Variants in ZNF217 observed in about 807,000 individuals in gnomAD.
The protein encoded by ZNF217 is zinc finger protein 217.
ZNF217 carries 12 observed loss-of-function variants against 73.3 expected under a neutral mutation model. The ratio of observed to expected loss-of-function variants is 0.16; its 90% CI spans 0.10 to 0.27. ZNF217 has a LOEUF of 0.27. Among genes scored for constraint, ZNF217 ranks in the 10% least tolerant of loss-of-function variants. ZNF217 has a pLI of 1.00. For synonymous variants in ZNF217, 588 were observed against 516.4 expected (o/e 1.14, Z -1.88); for missense variants, 1,195 against 1,327.8 (o/e 0.90, Z 1.55).
chr20:53,571,075 T>A (rs1327472240), intron 5 of ZNF217, among the ~76,000 whole-genome samples: 1 of 152,168 alleles, frequency 6.6e-6, no homozygotes, highest in Non-Finnish European at 1.5e-5. Flanking sequence ...ATGTAACAGA[T>A]GGGCATGATC....
Position 53,578,385 on chromosome 20 carries a change from T to C in ZNF217, c.1432A>G (p.Lys478Glu). 6.3e-7 allele frequency: 1 copy of C among 1,599,440 alleles called. No individual in the cohort carries two copies. The highest frequency in any genetic ancestry group is 8.5e-7 in the Non-Finnish European group (1 of 1,175,792). ...AGGTAATAATTTGAACGGAAAAACT[T>C]TCCACAATAACTACACTCTCTTGAA... ...TSSRECSYCG[K>E]FFRSNYYLNI... The change falls in exon 3 of 6, where the codon AAG (lysine) becomes GAG (glutamate). Residue 478 changes from lysine to glutamate, a missense_variant. Transcript: ENST00000371471.
At chr20:53,594,043 C>A (rs879257696), upstream of ZNF217, among the ~76,000 whole-genome samples, 13 of 151,120 alleles carry the variant, frequency 8.6e-5, no homozygotes, top group African/African-American at 2.7e-4. Context: ...AAGACCCCCC[C>A]CCAACAAAAA....
chr20:53,567,602 C>T lies in ZNF217; in HGVS notation c.*1686G>A, dbSNP rs1007155016. ...GGCAAAGATTGAGTCAATCATCTTG[C>T]AAATGTGTTAATCTTCAAAAATAGG... On this transcript the variant is annotated 3_prime_UTR_variant, in exon 6 of 6. Transcript: ENST00000371471. The T allele has an allele frequency of 1.3e-5, 2 of 152,560 alleles. No individual in the cohort carries two copies. The highest frequency in any genetic ancestry group is 3.9e-4 in the East Asian group (2 of 5,190). 9.5% of individuals were successfully genotyped at this position (152,560 alleles called of 1,614,324 possible).
intron 1 of ZNF217, among the ~76,000 whole-genome samples, chr20:53,587,372 C>G (rs1469957178): frequency 1.3e-5 from 2 of 152,192 alleles, no homozygotes; most frequent in East Asian, 1.9e-4. Context: ...GTAATCTGTG[C>G]TTAAGTACAA....
At position 53,578,259 on chromosome 20, in the gene ZNF217, GAAC is replaced by G. The variant is rs566457769; in HGVS notation, c.1483+72_1483+74del. ...AGTCCAAGGATCTGGCAGAGTATCT[GAAC>G]AACAACAACAAAAAAATTAGATAAC... On this transcript the variant is annotated intron_variant, in intron 3 of 5. Coordinates refer to ENST00000371471, the MANE Select transcript of ZNF217 (RefSeq NM_006526.3). 272 of 1,004,360 alleles carry G rather than the reference GAAC, an allele frequency of 2.7e-4. No individual in the cohort carries two copies. In the African/African-American group the frequency reaches 3.1e-3, roughly 11 times the overall value. The allele number at this position is 1,004,360 out of a possible 1,614,324, so 62.2% of individuals were successfully genotyped here.
rs938614653 is a variant in ZNF217 at position 53,581,003 on chromosome 20, C to G, written c.1366+458G>C. Among the ~76,000 whole-genome samples the G allele has an allele frequency of 1.3e-5, 2 of 152,116 alleles. No individual in the cohort carries two copies. Among genetic ancestry groups the G allele is most frequent in the Non-Finnish European group, 2.9e-5 (2 of 68,022 alleles). On this transcript the variant is annotated intron_variant, in intron 2 of 5. Coordinates refer to ENST00000371471, the MANE Select transcript of ZNF217 (RefSeq NM_006526.3). This position sits in a 1 kb window ranked among gnomAD's most constrained non-coding sequence, Gnocchi z 4.9. ...TGATGGGGCTGTCCTGTGCACTGTA[C>G]CATGCTGAGCAGTGTCCCTGGCCTC...
At chr20:53,569,639 C>T (rs1418527887) in intron 5 of ZNF217, among the ~76,000 whole-genome samples, 1 of 152,184 alleles carries the variant, frequency 6.6e-6, no homozygotes, top group Non-Finnish European at 1.5e-5. Flanking sequence ...CCGCCTTGGC[C>T]TCCCAAAGTG....
Position 53,571,776 on chromosome 20 carries a change from C to T in ZNF217, c.3115G>A (p.Ala1039Thr). Residue 1039 changes from alanine (A) to threonine (T), a missense_variant, in exon 5 of 6, where the codon GCA (alanine) becomes ACA (threonine). Around this residue, in one of 9 missense-constraint regions of ZNF217, gnomAD observed 649 missense variants for 642.8 expected, o/e 1.01. Transcript: ENST00000371471. ...KRNYENFIGN[A>T]HYRPNDKKT ...TTTTTGTCATTTGGTCGATAATGTGCATTCCCAATAAAATTCTCATAGTTT... is the reference window on the plus strand; with the variant it reads ...TTTTTGTCATTTGGTCGATAATGTGTATTCCCAATAAAATTCTCATAGTTT... 6.2e-7 allele frequency: 1 copy of T among 1,613,186 alleles called. No individual in the cohort carries two copies. Among genetic ancestry groups the T allele is most frequent in the South Asian group, 1.1e-5 (1 of 90,944 alleles).
Position 53,567,160 on chromosome 20 carries a change from A to C in ZNF217, c.*2128T>G, listed in dbSNP as rs2030608956. ...ATCATAAATAAAACAAGTAATGTCT[A>C]CTGTTCGACAACTTAAGTATCAACA... On this transcript the variant is annotated 3_prime_UTR_variant, in exon 6 of 6. Coordinates refer to ENST00000371471, the MANE Select transcript of ZNF217 (RefSeq NM_006526.3). 6.6e-6 allele frequency: 1 copy of C among 152,614 alleles called. No individual in the cohort carries two copies. The highest frequency in any genetic ancestry group is 2.1e-4 in the South Asian group (1 of 4,836). 9.5% of individuals were successfully genotyped at this position (152,614 alleles called of 1,614,324 possible). A position where few individuals can be genotyped will look rare whatever the true frequency, so the allele number is the denominator to read the frequency against.
upstream of ZNF217, chr20:53,593,853 C>CGCGGAGGGGAGGGGGCGGGGAGG (rs1988976678): frequency 2.4e-5 from 3 of 126,212 alleles, no homozygotes; most frequent in East Asian, 2.4e-4. Flanking sequence ...GAGGAGCGGG[C>CGCGGAGGGGAGGGGGCGGGGAGG]GCGGAGGGGA....
In ZNF217 at chr20:53,576,177, G is replaced by T. The variant is rs1043198744; in HGVS notation, c.2587C>A (p.Pro863Thr). ...KTKRPETKLK[P>T]LPVAPSQPTL... ...GGCTGAGAAGGAGCTACTGGAAGAG[G>T]TTTCAATTTTGTCTCGGGTCTTTTT... The change falls in exon 4 of 6, where the codon CCT (proline) becomes ACT (threonine). Residue 863 changes from proline (P) to threonine (T), a missense_variant. Around this residue, in one of 9 missense-constraint regions of ZNF217, gnomAD observed 649 missense variants for 642.8 expected, o/e 1.01. Coordinates refer to ENST00000371471, the MANE Select transcript of ZNF217 (RefSeq NM_006526.3). The T allele has an allele frequency of 4.3e-6, 7 of 1,614,126 alleles. No homozygotes were observed. The highest frequency in any genetic ancestry group is 4.0e-5 in the African/African-American group (3 of 74,940).
intron 1 of ZNF217, among the ~76,000 whole-genome samples, chr20:53,591,260 G>C (rs1988868536): frequency 6.6e-6 from 1 of 152,204 alleles, no homozygotes; most frequent in African/African-American, 2.4e-5. Context: ...CGTTAGAAAA[G>C]TGTTGTGAAG....
Position 53,578,439 on chromosome 20 carries a change from C to T in ZNF217, c.1378G>A (p.Asp460Asn), listed in dbSNP as rs748066363. 49 of 1,563,822 alleles carry T rather than the reference C, an allele frequency of 3.1e-5. No homozygotes were observed. Among genetic ancestry groups the T allele is most frequent in the Non-Finnish European group, 3.9e-5 (45 of 1,160,720 alleles). The change falls in exon 3 of 6, where the codon GAT becomes AAT. Residue 460 changes from aspartate (D) to asparagine (N), a missense_variant. By Grantham distance (23) the Asp-to-Asn change is conservative. Coordinates refer to ENST00000371471, the MANE Select transcript of ZNF217 (RefSeq NM_006526.3). ...GTAAGATGTTTTATTTTTCCTCCAT[C>T]ATCATTTTTATCTTAAAGGAAAAAC... ...PEGIHLDKND[D>N]GGKIKHLTSS...
At chr20:53,585,691 C>A (rs1988670719) in intron 1 of ZNF217, among the ~76,000 whole-genome samples, 1 of 152,204 alleles carries the variant, frequency 6.6e-6, no homozygotes, top group Non-Finnish European at 1.5e-5. Flanking sequence ...TCACTCTCCA[C>A]ACAAGACCTT....
In ZNF217 at chr20:53,582,461, A is replaced by G. The variant is rs768229585; in HGVS notation, c.366T>C (p.Asn122=). The change falls in exon 2 of 6, where the codon AAT becomes AAC. Residue 122 remains asparagine (N), a synonymous_variant. Coordinates refer to ENST00000371471, the MANE Select transcript of ZNF217 (RefSeq NM_006526.3). This position sits in a 1 kb window ranked among gnomAD's most constrained non-coding sequence, Gnocchi z 4.8. ...CACAGCTAAATTCATTTTCCTTGCA[A>G]TTCTTTTCCTTGGGAGGTTCTGTTC... ...QVRTEPPKEK[N]CKENEFSCEV... The G allele has an allele frequency of 1.7e-5, 27 of 1,614,036 alleles. No individual in the cohort carries two copies. In the Admixed American group the frequency reaches 4.3e-4, roughly 26 times the overall value.
In ZNF217 at chr20:53,567,931, A is replaced by G. The variant is rs1049586413; in HGVS notation, c.*1357T>C. On this transcript the variant is annotated 3_prime_UTR_variant, in exon 6 of 6. Transcript: ENST00000371471. ...AATTTATTTTTGAAACAGTTTCTTAATAAAATATTTTGTGGTCACTAAGCC... is the reference window on the plus strand; with the variant it reads ...AATTTATTTTTGAAACAGTTTCTTAGTAAAATATTTTGTGGTCACTAAGCC... 2 of 152,666 alleles carry G rather than the reference A, an allele frequency of 1.3e-5. No individual in the cohort carries two copies. The highest frequency in any genetic ancestry group is 2.1e-4 in the South Asian group (1 of 4,834). 9.5% of individuals were successfully genotyped at this position (152,666 alleles called of 1,614,324 possible).
chr20:53,594,473 G>A (rs901207510), upstream of ZNF217, among the ~76,000 whole-genome samples: 1 of 151,170 alleles, frequency 6.6e-6, no homozygotes, highest in Non-Finnish European at 1.5e-5. Flanking sequence ...CGGGACGGGA[G>A]CGAGCGGCGA....
intron 1 of ZNF217, among the ~76,000 whole-genome samples, chr20:53,589,650 A>G (rs186552825): frequency 1.3e-5 from 2 of 152,374 alleles, no homozygotes; most frequent in African/African-American, 4.8e-5. Flanking sequence ...CTCGTGGTCT[A>G]AATTCAAAAA....
Position 53,567,559 on chromosome 20 carries a change from G to A in ZNF217, c.*1729C>T, listed in dbSNP as rs1018891910. On this transcript the variant is annotated 3_prime_UTR_variant, in exon 6 of 6. Coordinates refer to ENST00000371471, the MANE Select transcript of ZNF217 (RefSeq NM_006526.3). ...TGGTTCTAGTCACAGCAAGCTCTCT[G>A]TAACACTCATTGGATTAGGCAAAGA... 1 of 152,530 alleles carries A rather than the reference G, an allele frequency of 6.6e-6. No individual in the cohort carries two copies. The highest frequency in any genetic ancestry group is 2.4e-5 in the African/African-American group (1 of 41,408). The allele number at this position is 152,530 out of a possible 1,614,324, so 9.4% of individuals were successfully genotyped here. A position where few individuals can be genotyped will look rare whatever the true frequency, so the allele number is the denominator to read the frequency against.
Sources: gnomAD v4.1 joint callset for allele counts (sites outside exome capture counted in the v4.1 genomes callset) on GRCh38, gnomAD v4.1.1 for gene constraint, gnomAD v4.1.1 regional missense constraint, Gnocchi (gnomAD v3.1) non-coding constraint, MANE v1.5 for transcripts, NCBI Gene and HGNC (gene_info 2026-07-23, HGNC 2026-07-21) for gene names.